The following A3GALT2 variants were observed in gnomAD, a reference collection of about 807,000 sequenced individuals.
A3GALT2 encodes alpha-1,3-galactosyltransferase 2.
A neutral mutation model predicts 16.6 loss-of-function variants in A3GALT2; 14 were observed. The ratio of observed to expected loss-of-function variants is 0.84; its 90% CI spans 0.56 to 1.32. A3GALT2 has a LOEUF of 1.32. Among genes scored for constraint, A3GALT2 ranks in the 40% most tolerant of loss-of-function variants. The pLI is 0.00. For missense variants in A3GALT2, 600 were observed against 490.9 expected (o/e 1.22, Z -2.10); for synonymous variants, 253 against 218.0 (o/e 1.16, Z -1.42).
chr1:33,308,560 A>G (rs1175235970), intron 4 of A3GALT2, among the ~76,000 whole-genome samples: 1 of 151,568 alleles, frequency 6.6e-6, no homozygotes, highest in African/African-American at 2.4e-5. Context: ...GGCCACCACC[A>G]CGCCCGGCCA....
In A3GALT2 at chr1:33,308,771, T is replaced by G. The variant is rs933282898; in HGVS notation, c.336-1318A>C. Among the ~76,000 whole-genome samples, 129 of 125,372 alleles carry G rather than the reference T, an allele frequency of 1.0e-3. 3 individuals are homozygous for G. The highest frequency in any genetic ancestry group is 1.4e-3 in the Non-Finnish European group (86 of 62,904). 82.2% of individuals were successfully genotyped at this position (125,372 alleles called of 152,430 possible). On this transcript the variant is annotated intron_variant, in intron 4 of 4. Transcript: ENST00000442999. ...AGTTGTTTTTTTTTTTTTTTTTTTTTTTTTTTTTTAGTATTTATTGATCAT... is the reference window on the plus strand; with the variant it reads ...AGTTGTTTTTTTTTTTTTTTTTTTTGTTTTTTTTTAGTATTTATTGATCAT...
At chr1:33,318,596 C>T (rs1646271539) in intron 1 of A3GALT2, among the ~76,000 whole-genome samples, 1 of 152,146 alleles carries the variant, frequency 6.6e-6, no homozygotes, top group Admixed American at 6.5e-5. Flanking sequence ...CTGACCCTGC[C>T]TCCGAGTCTC....
At chr1:33,318,832 G>A (rs1646272353) in intron 1 of A3GALT2, among the ~76,000 whole-genome samples, 3 of 152,188 alleles carry the variant, frequency 2.0e-5, no homozygotes, top group Non-Finnish European at 4.4e-5. Context: ...AGCGATGCTA[G>A]GGACTGTCTG....
Position 33,307,182 on chromosome 1 carries a change from G to T in A3GALT2, c.607C>A (p.His203Asn), listed in dbSNP as rs749684737. ...TCGGGCCCAAAAGTGCCGCTGAAGT[G>T]CTGGTCCACGTCCATGCAGAACATG... ...HFMFCMDVDQ[H>N]FSGTFGPEAL... The change falls in exon 5 of 5, where the codon CAC becomes AAC. Residue 203 changes from histidine to asparagine, a missense_variant. Coordinates refer to ENST00000442999, the MANE Select transcript of A3GALT2 (RefSeq NM_001080438.1). 7.7e-6 allele frequency: 12 copies of T among 1,550,234 alleles called. No individual in the cohort carries two copies. In the South Asian group the frequency reaches 1.3e-4, roughly 17 times the overall value.
intron 4 of A3GALT2, among the ~76,000 whole-genome samples, chr1:33,309,363 A>C (rs1224775448): frequency 1.5e-5 from 2 of 129,394 alleles, no homozygotes; most frequent in Admixed American, 7.8e-5. Context: ...GCGCCCCCCC[A>C]CCTCCCAGAC....
intron 1 of A3GALT2, among the ~76,000 whole-genome samples, chr1:33,316,224 C>T (rs1646260900): frequency 6.6e-6 from 1 of 152,032 alleles, no homozygotes; most frequent in Non-Finnish European, 1.5e-5. Context: ...GAGGAAGCCT[C>T]ACTCCTGGAA....
Position 33,307,338 on chromosome 1 carries a change from C to A in A3GALT2, c.451G>T (p.Ala151Ser). Residue 151 changes from alanine to serine, a missense_variant, in exon 5 of 5, where the codon GCG (alanine) becomes TCG (serine). Transcript: ENST00000442999. Reference sequence around the variant, plus strand: ...GGCAGCCGGCGTCCCGGGCCCAGCGCCACGCGGGGCACCGCTCCCGGAAGC... The same window carrying A: ...GGCAGCCGGCGTCCCGGGCCCAGCGACACGCGGGGCACCGCTCCCGGAAGC... ...TELPGAVPRVALGPGRRLPVE... is the reference protein window; with the variant it reads ...TELPGAVPRVSLGPGRRLPVE... 6.5e-7 allele frequency: 1 copy of A among 1,536,984 alleles called. No homozygotes were observed. The highest frequency in any genetic ancestry group is 8.7e-7 in the Non-Finnish European group (1 of 1,149,884).
At chr1:33,309,023 G>A (rs1003164799) in intron 4 of A3GALT2, among the ~76,000 whole-genome samples, 9 of 151,470 alleles carry the variant, frequency 5.9e-5, no homozygotes, top group African/African-American at 1.7e-4. Flanking sequence ...ATCTTGCACC[G>A]CCCTTAATCC....
chr1:33,321,092 G>C lies in A3GALT2; in HGVS notation c.7C>G (p.Leu3Val). 1 of 1,613,052 alleles carries C rather than the reference G, an allele frequency of 6.2e-7. No homozygotes were observed. The highest frequency in any genetic ancestry group is 8.5e-7 in the Non-Finnish European group (1 of 1,179,838). Residue 3 changes from leucine (L) to valine (V), a missense_variant, in exon 1 of 5, where the codon CTC (leucine) becomes GTC (valine). By Grantham distance (32) the Leu-to-Val change is conservative. Transcript: ENST00000442999. ...CCCCCTCACCTGAGTCCCTCCTTGA[G>C]AGCCATATGGGGAAGCAGGTAGGAT... is the stretch of plus-strand genomic sequence containing the variant. MA[L>V]KEGLRAWKRI...
In A3GALT2 at chr1:33,312,697, A is replaced by C; in HGVS notation, c.108-107T>G. ...ACAAGGAGAGAGAGCTCACAAGGAC[A>C]CTTGAGCTGAGTTAGCCACTGCCCT... On this transcript the variant is annotated intron_variant, in intron 2 of 4. Transcript: ENST00000442999. 5 of 1,431,722 alleles carry C rather than the reference A, an allele frequency of 3.5e-6. No homozygotes were observed. In the South Asian group the frequency reaches 6.0e-5, roughly 17 times the overall value. 88.7% of individuals were successfully genotyped at this position (1,431,722 alleles called of 1,614,324 possible).
At chr1:33,308,606 C>G (rs145527867) in intron 4 of A3GALT2, among the ~76,000 whole-genome samples, 1 of 151,728 alleles carries the variant, frequency 6.6e-6, no homozygotes, top group Non-Finnish European at 1.5e-5. Flanking sequence ...GGGGTTTCAC[C>G]GTGTTGGCCA....
Position 33,306,918 on chromosome 1 carries a change from C to A in A3GALT2, c.871G>T (p.Glu291Ter). The change falls in exon 5 of 5, where the codon GAG becomes TAG. Residue 291 changes from glutamate to a stop codon, truncating the protein, a stop_gained. Coordinates refer to ENST00000442999, the MANE Select transcript of A3GALT2 (RefSeq NM_001080438.1). LOFTEE classifies it low-confidence loss of function (END_TRUNC). Reference protein sequence around the residue: ...ARGLEARWHDESHLNKFFWLH... With the variant: ...ARGLEARWHD ...CAGAAGAACTTGTTGAGGTGGCTCT[C>A]GTCGTGCCAGCGCGCCTCCAGGCCG... 1.3e-6 allele frequency: 2 copies of A among 1,520,770 alleles called. No homozygotes were observed. The highest frequency in any genetic ancestry group is 2.1e-5 in the Admixed American group (1 of 48,426). The allele number at this position is 1,520,770 out of a possible 1,614,324, so 94.2% of individuals were successfully genotyped here.
At chr1:33,308,110 C>A (rs1646207065) in intron 4 of A3GALT2, among the ~76,000 whole-genome samples, 2 of 110,180 alleles carry the variant, frequency 1.8e-5, no homozygotes, top group Non-Finnish European at 3.5e-5. Flanking sequence ...ACTCCGGACC[C>A]TCTAGCCCTA....
chr1:33,315,056 G>A (rs553226806), intron 1 of A3GALT2, among the ~76,000 whole-genome samples: 55 of 152,040 alleles, frequency 3.6e-4, no homozygotes, highest in African/African-American at 1.3e-3. Flanking sequence ...AGATCAGCCC[G>A]GGCAACGGAG....
At position 33,307,286 on chromosome 1, in the gene A3GALT2, C is replaced by G; in HGVS notation, c.503G>C (p.Arg168Pro). Reference protein sequence around the residue: ...LPVERVARERRWQDVSMARMR... With the variant: ...LPVERVARERPWQDVSMARMR... ...GCGCGCCATCGACACGTCTTGCCAG[C>G]GCCGCTCGCGCGCCACGCGCTCCAC... Residue 168 changes from arginine (R) to proline (P), a missense_variant, in exon 5 of 5, where the codon CGC (arginine) becomes CCC (proline). Physicochemically the swap from Arg to Pro is moderately radical, Grantham distance 103 (BLOSUM62 -2). Coordinates refer to ENST00000442999, the MANE Select transcript of A3GALT2 (RefSeq NM_001080438.1). 5 of 1,439,258 alleles carry G rather than the reference C, an allele frequency of 3.5e-6. No homozygotes were observed. The highest frequency in any genetic ancestry group is 4.5e-6 in the Non-Finnish European group (5 of 1,104,608). The allele number at this position is 1,439,258 out of a possible 1,614,324, so 89.2% of individuals were successfully genotyped here.
chr1:33,307,442 T>A lies in A3GALT2; in HGVS notation c.347A>T (p.Lys116Met), dbSNP rs1646201030. The change falls in exon 5 of 5, where the codon AAG becomes ATG. Residue 116 changes from lysine (K) to methionine (M), a missense_variant. By Grantham distance (95) the Lys-to-Met change is moderately conservative (BLOSUM62 -1). Coordinates refer to ENST00000442999, the MANE Select transcript of A3GALT2 (RefSeq NM_001080438.1). Reference protein sequence around the residue: ...TIFAVGRYLEKYLERFLETAE... With the variant: ...TIFAVGRYLEMYLERFLETAE... ...CGTCTCCAGGAAGCGCTCCAGGTAC[T>A]TCTCCAGGTATCTAAGGGCGCGGCG... The A allele has an allele frequency of 1.3e-6, 2 of 1,514,892 alleles. No individual in the cohort carries two copies. Among genetic ancestry groups the A allele is most frequent in the Admixed American group, 2.2e-5 (1 of 44,526 alleles). The allele number at this position is 1,514,892 out of a possible 1,614,324, so 93.8% of individuals were successfully genotyped here.
chr1:33,318,758 G>A (rs536926188), intron 1 of A3GALT2, among the ~76,000 whole-genome samples: 30 of 152,028 alleles, frequency 2.0e-4, no homozygotes, highest in African/African-American at 5.1e-4. Flanking sequence ...CATCTCCTCC[G>A]TTAGGTCCCT....
rs182483262 is a variant in A3GALT2, at chr1:33,316,451, A to C, written c.24-3561T>G. The stretch of plus-strand genomic sequence containing the variant: ...AAAACAAAACAAAACAAAACAAAAA[A>C]CCCAAAAACCAACAAACAAAAAAAC... On this transcript the variant is annotated intron_variant, in intron 1 of 4. Coordinates refer to ENST00000442999, the MANE Select transcript of A3GALT2 (RefSeq NM_001080438.1). Among the ~76,000 whole-genome samples the C allele has an allele frequency of 2.8e-3, 430 of 152,160 alleles. 1 individual carries two copies. The highest frequency in any genetic ancestry group is 9.9e-3 in the African/African-American group (411 of 41,514).
At chr1:33,311,411 T>C (rs1412176312) in intron 4 of A3GALT2, among the ~76,000 whole-genome samples, 2 of 152,178 alleles carry the variant, frequency 1.3e-5, no homozygotes, top group African/African-American at 2.4e-5. Flanking sequence ...AGGACCTCGT[T>C]CTTCTAGCTC....
Sources: gnomAD v4.1 joint callset for allele counts (sites outside exome capture counted in the v4.1 genomes callset) on GRCh38, gnomAD v4.1.1 for gene constraint, MANE v1.5 for transcripts, NCBI Gene and HGNC (gene_info 2026-07-23, HGNC 2026-07-21) for gene names.